The following TOM1 variants were observed in gnomAD, a reference collection of about 807,000 sequenced individuals.
TOM1 encodes the protein target of myb1 membrane trafficking protein.
A neutral mutation model predicts 61.3 loss-of-function variants in TOM1; 38 were observed. That is an observed-to-expected ratio of 0.62 (90% CI 0.48 to 0.81). The LOEUF (loss-of-function observed/expected upper bound fraction) is 0.81, where lower values mean the gene tolerates loss of function less well. TOM1 is among the 40% of genes least tolerant of loss of function. The pLI, the probability that TOM1 is intolerant of heterozygous loss-of-function variation, is 0.00. For missense variants in TOM1, 591 were observed against 659.6 expected, an observed-to-expected ratio of 0.90 and a Z score of 1.14; for synonymous variants, 270 against 268.8, an observed-to-expected ratio of 1.00 and a Z score of -0.04.
chr22:35,313,930 G>A (rs950037061), intron 1 of TOM1, among the ~76,000 whole-genome samples: 4 of 152,216 alleles, frequency 2.6e-5, no homozygotes, highest in African/African-American at 7.2e-5. Context: ...TTACAGCTCC[G>A]AGGTCGGGGA....
chr22:35,332,294 C>T (rs745719013), intron 8 of TOM1, among the ~76,000 whole-genome samples: 2 of 152,158 alleles, frequency 1.3e-5, no homozygotes, highest in African/African-American at 2.4e-5. Flanking sequence ...CAGATATCCA[C>T]AGTCATTAGG....
At chr22:35,303,136 A>ACACACACG (rs1228167792) in intron 1 of TOM1, among the ~76,000 whole-genome samples, 31 of 151,552 alleles carry the variant, frequency 2.0e-4, no homozygotes. Flanking sequence ...CTCCCAACAC[A>ACACACACG]CACACACACA....
upstream of TOM1, chr22:35,299,527 C>T (rs977076658): frequency 4.8e-6 from 1 of 209,852 alleles, no homozygotes; most frequent in African/African-American, 2.4e-5. Flanking sequence ...GTCCCAAGGA[C>T]TAAGGGCTAT....
In TOM1 at chr22:35,335,929, G is replaced by A. The variant is rs187628655; in HGVS notation, c.1148+1481G>A. ...ATGTGCAAAGTCTCAGAGGCAGGGCGGGAGAGAGGTGCCCTGGCTCCCGCA... is the reference window on the plus strand; with the variant it reads ...ATGTGCAAAGTCTCAGAGGCAGGGCAGGAGAGAGGTGCCCTGGCTCCCGCA... On this transcript the variant is annotated intron_variant, in intron 11 of 14. Transcript: ENST00000449058. 5.3e-3 allele frequency among the ~76,000 whole-genome samples: 814 copies of A among 152,218 alleles called. 7 individuals carry two copies. Among genetic ancestry groups the A allele is most frequent in the Middle Eastern group, 0.024 (7 of 294 alleles).
chr22:35,313,979 C>T (rs550141508), intron 1 of TOM1, among the ~76,000 whole-genome samples: 3 of 152,336 alleles, frequency 2.0e-5, no homozygotes, highest in South Asian at 2.1e-4. Flanking sequence ...AACCACTGTC[C>T]GTGTTTTTAT....
Position 35,330,444 on chromosome 22 carries a change from A to G in TOM1, c.863A>G (p.Asn288Ser), listed in dbSNP as rs1162107974. 1.2e-6 allele frequency: 2 copies of G among 1,613,376 alleles called. No homozygotes were observed. Among genetic ancestry groups the G allele is most frequent in the Non-Finnish European group, 1.7e-6 (2 of 1,179,818 alleles). The change falls in exon 8 of 15, where the codon AAT becomes AGT. Residue 288 changes from asparagine to serine, a missense_variant. Coordinates refer to ENST00000449058, the MANE Select transcript of TOM1 (RefSeq NM_005488.3). ...CTGACAGAGGAGCTGCTCATCGTCA[A>G]TGACAATCTCAACAATGTGTTCCTG... The part of the protein sequence containing the change: ...EQLTEELLIV[N>S]DNLNNVFLRH...
At position 35,327,252 on chromosome 22, in the gene TOM1, G is replaced by A. The variant is rs115540450; in HGVS notation, c.649-19G>A. The A allele has an allele frequency of 1.1e-3, 1,768 of 1,610,306 alleles. 18 individuals carry two copies. The African/African-American group carries it at 0.018, about 16-fold the overall frequency. On this transcript the variant is annotated intron_variant, in intron 6 of 14. Coordinates refer to ENST00000449058, the MANE Select transcript of TOM1 (RefSeq NM_005488.3). ...CCAGAACCCTGGCTTCTCTCACCAC[G>A]ATCAACTGTGTGTTTCAGATTGGGA...
At chr22:35,312,906 A>T (rs1451957701) in intron 1 of TOM1, among the ~76,000 whole-genome samples, 1 of 152,170 alleles carries the variant, frequency 6.6e-6, no homozygotes, top group Non-Finnish European at 1.5e-5. Context: ...GTTATGTTTG[A>T]GTAGAGCGTG....
chr22:35,315,693 G>T (rs1249410073), intron 1 of TOM1, among the ~76,000 whole-genome samples: 2 of 152,204 alleles, frequency 1.3e-5, no homozygotes, highest in Non-Finnish European at 2.9e-5. Context: ...AGGACCTGAG[G>T]GTAGAACTGA....
chr22:35,343,181 CCACACCTCCACT>C (rs1930071235), intron 12 of TOM1, among the ~76,000 whole-genome samples: 1 of 136,052 alleles, frequency 7.4e-6, no homozygotes, highest in Admixed American at 7.3e-5. Flanking sequence ...CCTACACACA[CCACACCTCCACT>C]CATACGCCTA....
chr22:35,310,309 C>T (rs1926709315), intron 1 of TOM1, among the ~76,000 whole-genome samples: 1 of 152,180 alleles, frequency 6.6e-6, no homozygotes, highest in South Asian at 2.1e-4. Context: ...AATCCCAGCA[C>T]TTTGGGAGGC....
intron 1 of TOM1, among the ~76,000 whole-genome samples, chr22:35,306,828 C>T (rs1219800041): frequency 6.6e-6 from 1 of 152,180 alleles, no homozygotes; most frequent in African/African-American, 2.4e-5. Context: ...GTCTTTGTGT[C>T]CCTGGCAAAT....
chr22:35,345,306 A>G (rs1160858709), intron 12 of TOM1: 1 of 224,836 alleles, frequency 4.4e-6, no homozygotes, highest in Admixed American at 4.9e-5. Context: ...CCCAGCCTTC[A>G]CGGCTGGAGA....
intron 1 of TOM1, among the ~76,000 whole-genome samples, chr22:35,316,830 T>C (rs1037987468): frequency 6.6e-6 from 1 of 152,234 alleles, no homozygotes; most frequent in Admixed American, 6.5e-5. Context: ...GTGTTTATTT[T>C]GGGCCCGTAC....
chr22:35,342,853 C>T (rs532434923), intron 12 of TOM1, among the ~76,000 whole-genome samples: 1 of 148,274 alleles, frequency 6.7e-6, no homozygotes, highest in African/African-American at 2.5e-5. Context: ...CACACCTACA[C>T]ACTCATGCAC....
Position 35,333,399 on chromosome 22 carries a change from A to T in TOM1, c.934-5A>T, listed in dbSNP as rs1483020059. 2 of 1,613,608 alleles carry T rather than the reference A, an allele frequency of 1.2e-6. No homozygotes were observed. Among genetic ancestry groups the T allele is most frequent in the Admixed American group, 3.3e-5 (2 of 60,000 alleles). ...GGATGATCAGGGCATCTCCCTTCCC[A>T]CCAGGCCCCAAGTGAGGCCGAGCCG... On this transcript the variant is annotated splice_region_variant and splice_polypyrimidine_tract_variant and intron_variant, in intron 9 of 14. Coordinates refer to ENST00000449058, the MANE Select transcript of TOM1 (RefSeq NM_005488.3).
intron 13 of TOM1, among the ~76,000 whole-genome samples, chr22:35,346,108 C>A (rs1005059011): frequency 6.6e-6 from 1 of 152,242 alleles, no homozygotes; most frequent in African/African-American, 2.4e-5. Flanking sequence ...CTCTTACCTG[C>A]AGTAGCTCAG....
In TOM1 at chr22:35,347,528, C is replaced by T. The variant is rs959889229; in HGVS notation, c.*319C>T. The T allele has an allele frequency of 3.8e-6, 1 of 260,318 alleles. No homozygotes were observed. Among genetic ancestry groups the T allele is most frequent in the Non-Finnish European group, 7.3e-6 (1 of 137,052 alleles). The allele number at this position is 260,318 out of a possible 1,614,324, so 16.1% of individuals were successfully genotyped here. On this transcript the variant is annotated 3_prime_UTR_variant, in exon 15 of 15. Coordinates refer to ENST00000449058, the MANE Select transcript of TOM1 (RefSeq NM_005488.3). ...GCTGGCTGCTTGACCCAGTGTGACTCTCCTTCACTGAGTGATACCCTGCTC... is the reference window on the plus strand; with the variant it reads ...GCTGGCTGCTTGACCCAGTGTGACTTTCCTTCACTGAGTGATACCCTGCTC...
At chr22:35,346,834 G>A in intron 13 of TOM1, 96 bp from the exon 14 acceptor site, 4 of 1,191,378 alleles carry the variant, frequency 3.4e-6, no homozygotes, top group Non-Finnish European at 4.9e-6. Flanking sequence ...ACCCAGTGCT[G>A]AGGTTCAGCG....
Sources: allele counts gnomAD v4.1 joint callset (sites outside exome capture counted in the v4.1 genomes callset), GRCh38; gene constraint gnomAD v4.1.1; transcripts MANE v1.5; gene names NCBI Gene and HGNC (gene_info 2026-07-23, HGNC 2026-07-21).